Variants in NIPA2 observed in about 807,000 individuals in gnomAD.
NIPA2 encodes NIPA magnesium transporter 2, also known as magnesium transporter NIPA2.
NIPA2 carries 11 observed loss-of-function variants against 29.7 expected under a neutral mutation model. The ratio of observed to expected loss-of-function variants is 0.37; its 90% CI spans 0.23 to 0.61. The LOEUF (loss-of-function observed/expected upper bound fraction) is 0.61. NIPA2 is among the 20% of genes least tolerant of loss of function. The pLI, the probability that NIPA2 is intolerant of heterozygous loss-of-function variation, is 0.66. For missense variants in NIPA2, 426 were observed against 437.9 expected (o/e 0.97, Z 0.24); for synonymous variants, 183 against 161.9 (o/e 1.13, Z -0.99).
intron 5 of NIPA2, among the ~76,000 whole-genome samples, chr15:22,854,820 C>T (rs1209492823): frequency 2.0e-5 from 3 of 152,084 alleles, no homozygotes; most frequent in Non-Finnish European, 2.9e-5. Flanking sequence ...ATGTTATTCA[C>T]CAGGTATTCA....
chr15:22,862,232 G>A (rs979133947), intron 7 of NIPA2, among the ~76,000 whole-genome samples: 1 of 151,402 alleles, frequency 6.6e-6, no homozygotes, highest in Non-Finnish European at 1.5e-5. Context: ...ATTTTTAGTA[G>A]AGACAGGGTT....
intron 7 of NIPA2, among the ~76,000 whole-genome samples, chr15:22,862,537 G>A (rs2058695375): frequency 6.6e-6 from 1 of 151,902 alleles, no homozygotes; most frequent in South Asian, 2.1e-4. Flanking sequence ...GAGATTTTCT[G>A]TTTTTTCTTC....
At chr15:22,857,836 C>CAAAAA (rs60523225) in intron 5 of NIPA2, among the ~76,000 whole-genome samples, 2 of 68,786 alleles carry the variant, frequency 2.9e-5, no homozygotes, top group African/African-American at 5.0e-5. Flanking sequence ...GACTCCATCT[C>CAAAAA]AAAAAAAAAA....
chr15:22,840,596 G>C (rs1355306061), intron 2 of NIPA2, among the ~76,000 whole-genome samples: 1 of 152,122 alleles, frequency 6.6e-6, no homozygotes, highest in East Asian at 1.9e-4. Context: ...CACCGCGCCC[G>C]ACCTAAGAGC....
At chr15:22,860,221 T>C (rs564249919) in intron 6 of NIPA2, among the ~76,000 whole-genome samples, 1 of 152,212 alleles carries the variant, frequency 6.6e-6, no homozygotes, top group East Asian at 1.9e-4. Context: ...GGTTTCACCA[T>C]GTTGGCCAGG....
At chr15:22,859,763 C>T (rs2058489437) in intron 6 of NIPA2, among the ~76,000 whole-genome samples, 1 of 151,082 alleles carries the variant, frequency 6.6e-6, no homozygotes, top group Non-Finnish European at 1.5e-5. Flanking sequence ...GTTTTTTTTT[C>T]CCCAAAAAAC....
rs183844024 is a variant in NIPA2 at position 22,865,081 on chromosome 15, C to T, written c.449-1132C>T. ...TTCACCATGTTGGCTAGGCTGGTCTCGAACTCCTGACCTCAGGTGATCTGC... is the reference window on the plus strand; with the variant it reads ...TTCACCATGTTGGCTAGGCTGGTCTTGAACTCCTGACCTCAGGTGATCTGC... On this transcript the variant is annotated intron_variant, in intron 7 of 7. Coordinates refer to ENST00000337451, the MANE Select transcript of NIPA2 (RefSeq NM_030922.7). Among the ~76,000 whole-genome samples, 587 of 152,142 alleles carry T rather than the reference C, an allele frequency of 3.9e-3. 7 individuals carry two copies. Among genetic ancestry groups the T allele is most frequent in the African/African-American group, 0.013 (539 of 41,546 alleles).
intron 7 of NIPA2, among the ~76,000 whole-genome samples, chr15:22,861,308 A>G (rs2058605252): frequency 6.6e-6 from 1 of 152,180 alleles, no homozygotes; most frequent in South Asian, 2.1e-4. Context: ...AATTTCTCTC[A>G]GTGCCTTCTG....
chr15:22,866,922 A>ACAT lies in NIPA2; in HGVS notation c.*76_*78dup. 1 of 1,345,280 alleles carries ACAT rather than the reference A, an allele frequency of 7.4e-7. No individual in the cohort carries two copies. The highest frequency in any genetic ancestry group is 1.0e-6 in the Non-Finnish European group (1 of 990,816). 83.3% of individuals were successfully genotyped at this position (1,345,280 alleles called of 1,614,324 possible). ...ATATCATCAGAATGTGTCTGAAAAA[A>ACAT]CATTGTCCTCAAATAATGTTCTTTA... On this transcript the variant is annotated 3_prime_UTR_variant, in exon 8 of 8. Coordinates refer to ENST00000337451, the MANE Select transcript of NIPA2 (RefSeq NM_030922.7).
chr15:22,862,376 G>A (rs1412212203), intron 7 of NIPA2, among the ~76,000 whole-genome samples: 1 of 151,974 alleles, frequency 6.6e-6, no homozygotes, highest in African/African-American at 2.4e-5. Context: ...CTGACTCTTG[G>A]GAACTGAATT....
chr15:22,857,844 A>G (rs1394442736), intron 5 of NIPA2, among the ~76,000 whole-genome samples: 1 of 150,552 alleles, frequency 6.6e-6, no homozygotes, highest in African/African-American at 2.5e-5. Flanking sequence ...CTCAAAAAAA[A>G]AAAAAAAAAA....
At position 22,867,164 on chromosome 15, in the gene NIPA2, G is replaced by T; in HGVS notation, c.*317G>T. On this transcript the variant is annotated 3_prime_UTR_variant, in exon 8 of 8. Transcript: ENST00000337451. Reference sequence around the variant, plus strand: ...TATGAAAATGCTTTATTTTTTCATTGGTGATGAAAGTCTGAAATGTGCATT... The same window carrying T: ...TATGAAAATGCTTTATTTTTTCATTTGTGATGAAAGTCTGAAATGTGCATT... The T allele has an allele frequency of 4.5e-6, 2 of 443,854 alleles. No individual in the cohort carries two copies. Among genetic ancestry groups the T allele is most frequent in the South Asian group, 6.8e-5 (1 of 14,784 alleles). The allele number at this position is 443,854 out of a possible 1,614,324, so 27.5% of individuals were successfully genotyped here.
chr15:22,866,992 A>T lies in NIPA2; in HGVS notation c.*145A>T. ...TTTCACTAATTTGGACCAAGAAATTACTTTTCTTGTATTTAAACAAACAAT... is the reference window on the plus strand; with the variant it reads ...TTTCACTAATTTGGACCAAGAAATTTCTTTTCTTGTATTTAAACAAACAAT... On this transcript the variant is annotated 3_prime_UTR_variant, in exon 8 of 8. Coordinates refer to ENST00000337451, the MANE Select transcript of NIPA2 (RefSeq NM_030922.7). The T allele has an allele frequency of 1.3e-6, 1 of 752,452 alleles. No individual in the cohort carries two copies. Among genetic ancestry groups the T allele is most frequent in the Non-Finnish European group, 2.1e-6 (1 of 483,796 alleles). 46.6% of individuals were successfully genotyped at this position (752,452 alleles called of 1,614,324 possible).
chr15:22,858,590 A>T lies in NIPA2; in HGVS notation c.247A>T (p.Thr83Ser). The T allele has an allele frequency of 6.2e-7, 1 of 1,607,864 alleles. No individual in the cohort carries two copies. The highest frequency in any genetic ancestry group is 8.5e-7 in the Non-Finnish European group (1 of 1,176,046). ...CGCTGCGTATGCGTTTGCACCAGCC[A>T]CTCTAGTGACTCCACTAGGAGCTCT... ...NFAAYAFAPATLVTPLGALSV... is the reference protein window; with the variant it reads ...NFAAYAFAPASLVTPLGALSV... Residue 83 changes from threonine to serine, a missense_variant, in exon 6 of 8, where the codon ACT (threonine) becomes TCT (serine). By Grantham distance (58) the Thr-to-Ser change is moderately conservative. Transcript: ENST00000337451.
At chr15:22,864,552 G>T (rs926714611) in intron 7 of NIPA2, among the ~76,000 whole-genome samples, 11 of 152,204 alleles carry the variant, frequency 7.2e-5, no homozygotes, top group Non-Finnish European at 1.6e-4. Context: ...AATTGACTGG[G>T]GGGAAGGATT....
At chr15:22,841,802 C>T (rs1012456099) in intron 2 of NIPA2, among the ~76,000 whole-genome samples, 11 of 152,224 alleles carry the variant, frequency 7.2e-5, no homozygotes, top group South Asian at 4.1e-4. Flanking sequence ...CCACCGCGCC[C>T]GGCCGGACAC....
At chr15:22,859,732 TAG>T (rs1360447101) in intron 6 of NIPA2, among the ~76,000 whole-genome samples, 1 of 152,202 alleles carries the variant, frequency 6.6e-6, no homozygotes, top group African/African-American at 2.4e-5. Context: ...ATTCCCAAAG[TAG>T]ATTGACTGAT....
At position 22,866,283 on chromosome 15, in the gene NIPA2, T is replaced by G; in HGVS notation, c.519T>G (p.His173Gln). The G allele has an allele frequency of 6.2e-7, 1 of 1,613,922 alleles. No individual in the cohort carries two copies. Among genetic ancestry groups the G allele is most frequent in the Non-Finnish European group, 8.5e-7 (1 of 1,179,800 alleles). ...LILIFVVGPR[H>Q]GQTNILVYIT... ...TAATCTTCGTGGTGGGTCCTCGCCA[T>G]GGACAGACAAACATTCTTGTGTACA... Residue 173 changes from histidine (H) to glutamine (Q), a missense_variant, in exon 8 of 8, where the codon CAT (histidine) becomes CAG (glutamine). His to Gln is a conservative substitution (Grantham distance 24). Around this residue, in one of 3 missense-constraint regions of NIPA2, gnomAD observed 357 missense variants for 339.8 expected, o/e 1.05. Coordinates refer to ENST00000337451, the MANE Select transcript of NIPA2 (RefSeq NM_030922.7).
chr15:22,857,363 G>A (rs11856419), intron 5 of NIPA2, among the ~76,000 whole-genome samples: 12,060 of 151,686 alleles, frequency 0.08, 950 homozygotes, highest in African/African-American at 0.2. Context: ...CTTTAACTTG[G>A]GAGGTGGAGG....
Sources: allele counts gnomAD v4.1 joint callset (sites outside exome capture counted in the v4.1 genomes callset), GRCh38; gene constraint gnomAD v4.1.1; regional missense constraint gnomAD v4.1.1; transcripts MANE v1.5; gene names NCBI Gene and HGNC (gene_info 2026-07-23, HGNC 2026-07-21).